PCSK2: variants seen among roughly 807,000 people sequenced by gnomAD.
The protein encoded by PCSK2 is proprotein convertase subtilisin/kexin type 2.
In PCSK2, 14 loss-of-function variants were observed where a neutral mutation model predicts 69.7. That is an observed-to-expected ratio of 0.20 (90% confidence interval 0.13 to 0.31). PCSK2 has a LOEUF of 0.31. Ranked by LOEUF, PCSK2 falls within the 10% of genes least tolerant of loss-of-function variation. The pLI, the probability that PCSK2 is intolerant of heterozygous loss-of-function variation, is 1.00. For synonymous variants in PCSK2, 307 were observed against 320.7 expected (o/e 0.96, Z 0.46); for missense variants, 544 against 842.5 (o/e 0.65, Z 4.39).
At chr20:17,292,810 T>C (rs1262806694) in intron 2 of PCSK2, among the ~76,000 whole-genome samples, 1 of 152,042 alleles carries the variant, frequency 6.6e-6, no homozygotes, top group Non-Finnish European at 1.5e-5. Flanking sequence ...TTTTTCTTAT[T>C]AAGTTTTCTG....
intron 1 of PCSK2, among the ~76,000 whole-genome samples, chr20:17,241,854 C>G (rs866307875): frequency 3.3e-5 from 5 of 152,172 alleles, no homozygotes; most frequent in African/African-American, 1.2e-4. Flanking sequence ...TCCTAGCTCA[C>G]CTAATAGGCA....
At chr20:17,445,133 T>G (rs2032673362) in intron 8 of PCSK2, among the ~76,000 whole-genome samples, 1 of 152,216 alleles carries the variant, frequency 6.6e-6, no homozygotes, top group Non-Finnish European at 1.5e-5. Context: ...ATGTGTTTAC[T>G]GTTCAGGAAA....
intron 2 of PCSK2, among the ~76,000 whole-genome samples, chr20:17,285,345 G>A (rs1478534213): frequency 3.3e-5 from 5 of 152,230 alleles, no homozygotes; most frequent in Non-Finnish European, 7.3e-5. Context: ...GAATACAGCA[G>A]AAGGAACTTT....
intron 1 of PCSK2, among the ~76,000 whole-genome samples, chr20:17,243,555 G>A (rs1476496508): frequency 6.6e-6 from 1 of 152,086 alleles, no homozygotes; most frequent in Non-Finnish European, 1.5e-5. Context: ...TTAGTTATTT[G>A]GCATTCTCAC....
At chr20:17,257,484 T>A (rs1447952313) in intron 1 of PCSK2, among the ~76,000 whole-genome samples, 1 of 152,210 alleles carries the variant, frequency 6.6e-6, no homozygotes, top group Non-Finnish European at 1.5e-5. Flanking sequence ...ATATGTTTAT[T>A]TCTATTTGCT....
At chr20:17,390,831 C>T (rs2031352947) in intron 5 of PCSK2, among the ~76,000 whole-genome samples, 1 of 152,180 alleles carries the variant, frequency 6.6e-6, no homozygotes, top group African/African-American at 2.4e-5. Flanking sequence ...ACAACCCACT[C>T]ACTTTCCAAT....
chr20:17,407,237 C>T (rs906374620), intron 5 of PCSK2, among the ~76,000 whole-genome samples: 9 of 152,138 alleles, frequency 5.9e-5, no homozygotes, highest in African/African-American at 1.9e-4. Flanking sequence ...GACATCCCAG[C>T]GTGCCTCTTC....
chr20:17,479,326 T>A, intron 11 of PCSK2: 1 of 793,676 alleles, frequency 1.3e-6, no homozygotes, highest in Non-Finnish European at 2.2e-6. Context: ...TTGTTGTAAT[T>A]ATAATCTTCA....
chr20:17,273,280 T>G (rs1432323205), intron 2 of PCSK2, among the ~76,000 whole-genome samples: 2 of 152,180 alleles, frequency 1.3e-5, no homozygotes, highest in Non-Finnish European at 2.9e-5. Context: ...CTAACACTTA[T>G]TCATGTGACA....
At chr20:17,365,536 C>G (rs141712006) in intron 4 of PCSK2, among the ~76,000 whole-genome samples, 162 of 152,184 alleles carry the variant, frequency 1.1e-3, no homozygotes, top group African/African-American at 3.9e-3. Flanking sequence ...GTTCCAGCAC[C>G]AACATCAAAG....
Position 17,429,421 on chromosome 20 carries a change from A to G in PCSK2, c.621-14A>G, listed in dbSNP as rs1315902607. On this transcript the variant is annotated splice_polypyrimidine_tract_variant and intron_variant, in intron 6 of 11. Coordinates refer to ENST00000262545, the MANE Select transcript of PCSK2 (RefSeq NM_002594.5). ...TTCACTGCATATCTAATGTGTCTTT[A>G]TATTTTTCCAAAGCCACGGGACCCG... 5 of 1,606,278 alleles carry G rather than the reference A, an allele frequency of 3.1e-6. No homozygotes were observed. In the African/African-American group the frequency reaches 6.7e-5, roughly 21 times the overall value.
chr20:17,249,504 CAA>C (rs56315843), intron 1 of PCSK2, among the ~76,000 whole-genome samples: 8 of 112,362 alleles, frequency 7.1e-5, no homozygotes, highest in Admixed American at 3.0e-4. Flanking sequence ...GACTCTGTCT[CAA>C]AAAAAAAAAA....
chr20:17,295,531 T>A lies in PCSK2; in HGVS notation c.282+35187T>A, dbSNP rs990443278. On this transcript the variant is annotated intron_variant, in intron 2 of 11. Coordinates refer to ENST00000262545, the MANE Select transcript of PCSK2 (RefSeq NM_002594.5). Reference sequence around the variant, plus strand: ...ATTGTATATTTATTTTTATATATATTTATTTATTTATATTATATATATTTA... The same window carrying A: ...ATTGTATATTTATTTTTATATATATATATTTATTTATATTATATATATTTA... Among the ~76,000 whole-genome samples the A allele has an allele frequency of 1.8e-4, 20 of 108,340 alleles. No individual in the cohort carries two copies. The East Asian group carries it at 8.0e-3, about 43-fold the overall frequency. 71.1% of individuals were successfully genotyped at this position (108,340 alleles called of 152,430 possible).
intron 2 of PCSK2, among the ~76,000 whole-genome samples, chr20:17,304,441 A>T (rs879607081): frequency 1.3e-5 from 2 of 152,172 alleles, no homozygotes; most frequent in Non-Finnish European, 2.9e-5. Context: ...TCAATCCATG[A>T]TTTCTTATCT....
At position 17,369,248 on chromosome 20, in the gene PCSK2, T is replaced by C; in HGVS notation, c.514T>C (p.Tyr172His). 6.2e-7 allele frequency: 1 copy of C among 1,613,860 alleles called. No individual in the cohort carries two copies. The highest frequency in any genetic ancestry group is 1.1e-5 in the South Asian group (1 of 91,052). ...TIGIMDDGID[Y>H]LHPDLASNYN... ...TTGTTGTCTTTTCACAGGGATTGAC[T>C]ATCTCCACCCGGACCTGGCCTCCAA... The change falls in exon 5 of 12, where the codon TAT becomes CAT. Residue 172 changes from tyrosine to histidine, a missense_variant. Physicochemically the swap from Tyr to His is moderately conservative, Grantham distance 83. Around this residue, in one of 3 missense-constraint regions of PCSK2, gnomAD observed 187 missense variants for 399.8 expected, o/e 0.47. Coordinates refer to ENST00000262545, the MANE Select transcript of PCSK2 (RefSeq NM_002594.5).
chr20:17,262,487 A>T (rs1283631506), intron 2 of PCSK2, among the ~76,000 whole-genome samples: 1 of 151,870 alleles, frequency 6.6e-6, no homozygotes, highest in Non-Finnish European at 1.5e-5. Context: ...ACTGCTAATG[A>T]TGACTGCCTT....
intron 1 of PCSK2, among the ~76,000 whole-genome samples, chr20:17,258,334 G>A (rs1311798882): frequency 6.6e-6 from 1 of 152,168 alleles, no homozygotes; most frequent in Non-Finnish European, 1.5e-5. Flanking sequence ...CAAACCTCTT[G>A]TCAATTTCCT....
At chr20:17,426,523 C>G (rs1353790679) in intron 6 of PCSK2, among the ~76,000 whole-genome samples, 3 of 152,206 alleles carry the variant, frequency 2.0e-5, no homozygotes, top group Non-Finnish European at 2.9e-5. Flanking sequence ...CTCCAGAGAA[C>G]AGAACCAGTA....
intron 11 of PCSK2, among the ~76,000 whole-genome samples, chr20:17,466,037 T>C (rs529050088): frequency 6.6e-6 from 1 of 152,254 alleles, no homozygotes; most frequent in Non-Finnish European, 1.5e-5. Context: ...GGAGGCACCA[T>C]TTACATAGAA....
Sources: gnomAD v4.1 joint callset for allele counts (sites outside exome capture counted in the v4.1 genomes callset) on GRCh38, gnomAD v4.1.1 for gene constraint, gnomAD v4.1.1 regional missense constraint, MANE v1.5 for transcripts, NCBI Gene and HGNC (gene_info 2026-07-23, HGNC 2026-07-21) for gene names.